NME8: variants seen among roughly 807,000 people sequenced by gnomAD.
NME8 encodes NME/NM23 family member 8.
In NME8, 72 loss-of-function variants were observed where a neutral mutation model predicts 82.3. The ratio of observed to expected loss-of-function variants is 0.87; its 90% confidence interval spans 0.72 to 1.06. The LOEUF is 1.06. Ranked by LOEUF, NME8 falls within the 50% of genes least tolerant of loss-of-function variation. The pLI, the probability that NME8 is intolerant of heterozygous loss-of-function variation, is 0.00. For missense variants in NME8, 712 were observed against 685.4 expected, an observed-to-expected ratio of 1.04 and a Z score of -0.43; for synonymous variants, 267 against 228.5, an observed-to-expected ratio of 1.17 and a Z score of -1.52.
At chr7:37,876,568 T>C (rs1055598453) in intron 11 of NME8, among the ~76,000 whole-genome samples, 3 of 152,098 alleles carry the variant, frequency 2.0e-5, no homozygotes, top group Non-Finnish European at 4.4e-5. Flanking sequence ...AAACACAAAA[T>C]TTTATTTTGA....
chr7:37,849,241 C>T (rs1343433171), intron 2 of NME8, 185 bp downstream of exon 2: 1 of 152,176 alleles, frequency 6.6e-6, no homozygotes, highest in African/African-American at 2.4e-5. Context: ...CACTAGTGGC[C>T]TTGTTCTCAA....
At chr7:37,852,849 A>G (rs1784455852) in intron 5 of NME8, among the ~76,000 whole-genome samples, 1 of 152,188 alleles carries the variant, frequency 6.6e-6, no homozygotes, top group Non-Finnish European at 1.5e-5. Flanking sequence ...ATTTGGGTAA[A>G]TACCAAGGAG....
chr7:37,854,556 A>T (rs1016911204), intron 5 of NME8, among the ~76,000 whole-genome samples: 1 of 152,184 alleles, frequency 6.6e-6, no homozygotes, highest in Non-Finnish European at 1.5e-5. Flanking sequence ...CTTTGGTTTC[A>T]GTGCCCATAT....
chr7:37,892,552 T>C (rs1017950271), intron 15 of NME8, among the ~76,000 whole-genome samples: 3 of 151,830 alleles, frequency 2.0e-5, no homozygotes, highest in African/African-American at 7.2e-5. Flanking sequence ...CGTGTAGACA[T>C]GCTTATCTTT....
chr7:37,897,153 G>A (rs536147620), intron 17 of NME8, 46 bp downstream of exon 17: 2 of 1,238,798 alleles, frequency 1.6e-6, no homozygotes, highest in South Asian at 2.5e-5. Flanking sequence ...GCTTGTTGCA[G>A]TGACTGAGGC....
In NME8 at chr7:37,864,417, G is replaced by A. The variant is rs780317892; in HGVS notation, c.524G>A (p.Arg175Lys). Reference sequence around the variant, plus strand: ...AGTAAAAAAGTTCTAGAAATTAAAAGAAAAGTAAGTAATATTTTCCAACTA... The same window carrying A: ...AGTAAAAAAGTTCTAGAAATTAAAAAAAAAGTAAGTAATATTTTCCAACTA... Reference protein sequence around the residue: ...VISKKVLEIKRKITKAGFIIE... With the variant: ...VISKKVLEIKKKITKAGFIIE... The change falls in exon 9 of 18, where the codon AGA becomes AAA. Residue 175 changes from arginine to lysine, a missense_variant. By Grantham distance (26) the Arg-to-Lys change is conservative. Coordinates refer to ENST00000199447, the MANE Select transcript of NME8 (RefSeq NM_016616.5). The A allele has an allele frequency of 1.3e-6, 2 of 1,573,538 alleles. No homozygotes were observed. Among genetic ancestry groups the A allele is most frequent in the African/African-American group, 2.7e-5 (2 of 74,114 alleles).
At chr7:37,894,887 T>A (rs1464367770) in intron 16 of NME8, among the ~76,000 whole-genome samples, 1 of 151,856 alleles carries the variant, frequency 6.6e-6, no homozygotes, top group Non-Finnish European at 1.5e-5. Flanking sequence ...TCCCTTTCCT[T>A]TCCTTTCTTT....
At chr7:37,867,582 A>C (rs1784705970) in intron 10 of NME8, 120 bp from the exon 11 acceptor site, 2 of 747,138 alleles carry the variant, frequency 2.7e-6, no homozygotes, top group Admixed American at 2.0e-5. Flanking sequence ...TATAAGAGTA[A>C]CATTCCTTTG....
chr7:37,850,433 C>T lies in NME8; in HGVS notation c.89C>T (p.Thr30Ile). 2 of 1,614,070 alleles carry T rather than the reference C, an allele frequency of 1.2e-6. No individual in the cohort carries two copies. The highest frequency in any genetic ancestry group is 1.3e-5 in the African/African-American group (1 of 75,042). Residue 30 changes from threonine to isoleucine, a missense_variant and splice_region_variant, in exon 4 of 18, where the codon ACA becomes ATA. Thr to Ile is a moderately conservative substitution (Grantham distance 89). Coordinates refer to ENST00000199447, the MANE Select transcript of NME8 (RefSeq NM_016616.5). ...WDEMLQNKGL[T>I]VIDVYQAWCG... ...GAGATGTTGCAGAACAAAGGCTTAA[C>T]AGGTATAAGGACTCCCCGGCTGTCT...
At chr7:37,879,757 T>C (rs13232318) in intron 12 of NME8, among the ~76,000 whole-genome samples, 1 of 152,186 alleles carries the variant, frequency 6.6e-6, no homozygotes, top group South Asian at 2.1e-4. Context: ...TATGTATAGT[T>C]TGTAAGAAAG....
intron 10 of NME8, among the ~76,000 whole-genome samples, chr7:37,866,490 C>G (rs1157404470): frequency 6.6e-6 from 1 of 152,164 alleles, no homozygotes; most frequent in Non-Finnish European, 1.5e-5. Flanking sequence ...GGCCCCACCT[C>G]AGACTTACTA....
chr7:37,876,754 CAT>C (rs1784859155), intron 11 of NME8, 76 bp from the exon 12 acceptor site: 1 of 1,034,688 alleles, frequency 9.7e-7, no homozygotes, highest in South Asian at 1.4e-5. Flanking sequence ...AATTTCTGAA[CAT>C]ATCAGATTTA....
chr7:37,882,819 A>G (rs1403196328), intron 12 of NME8, among the ~76,000 whole-genome samples: 1 of 152,210 alleles, frequency 6.6e-6, no homozygotes, highest in Admixed American at 6.5e-5. Context: ...ATGGCATCAG[A>G]TAGTGTCACT....
At position 37,865,606 on chromosome 7, in the gene NME8, A is replaced by G. The variant is rs146777129; in HGVS notation, c.610A>G (p.Ile204Val). ...ACAAGTTGTCAACTTCTATAGTCGA[A>G]TAGCAGACCAGGTATGAAAGTTAAA... The part of the protein sequence containing the change: ...EEQVVNFYSR[I>V]ADQCDFEEFV... The change falls in exon 10 of 18, where the codon ATA (isoleucine) becomes GTA (valine). Residue 204 changes from isoleucine to valine, a missense_variant. Physicochemically the swap from Ile to Val is conservative, Grantham distance 29. Coordinates refer to ENST00000199447, the MANE Select transcript of NME8 (RefSeq NM_016616.5). 2,613 of 1,608,044 alleles carry G rather than the reference A, an allele frequency of 1.6e-3. 3 individuals carry two copies. The highest frequency in any genetic ancestry group is 2.1e-3 in the Non-Finnish European group (2,485 of 1,174,654).
rs79055610 is a variant in NME8 at position 37,860,714 on chromosome 7, C to T, written c.271-1314C>T. Reference sequence around the variant, plus strand: ...TCAGCTGAATGCTATGCTTTCCACTCGCAGCATTTCCAGTTGGGGTCTAGG... The same window carrying T: ...TCAGCTGAATGCTATGCTTTCCACTTGCAGCATTTCCAGTTGGGGTCTAGG... On this transcript the variant is annotated intron_variant, in intron 6 of 17. Coordinates refer to ENST00000199447, the MANE Select transcript of NME8 (RefSeq NM_016616.5). Among the ~76,000 whole-genome samples the T allele has an allele frequency of 6.6e-5, 10 of 152,296 alleles. No homozygotes were observed. In the East Asian group the frequency reaches 1.5e-3, roughly 23 times the overall value.
At chr7:37,889,968 G>T (rs1405241577) in intron 15 of NME8, among the ~76,000 whole-genome samples, 1 of 151,866 alleles carries the variant, frequency 6.6e-6, no homozygotes, top group African/African-American at 2.4e-5. Context: ...TTATAATGTT[G>T]GTGGCCATGT....
chr7:37,891,349 G>A (rs925792535), intron 15 of NME8, among the ~76,000 whole-genome samples: 10 of 151,630 alleles, frequency 6.6e-5, no homozygotes, highest in Non-Finnish European at 1.0e-4. Context: ...AATCACTGCC[G>A]AGACCAATGC....
chr7:37,889,964 T>C (rs751777716), intron 15 of NME8, among the ~76,000 whole-genome samples: 1 of 151,992 alleles, frequency 6.6e-6, no homozygotes, highest in East Asian at 1.9e-4. Flanking sequence ...TGATTTATAA[T>C]GTTGGTGGCC....
intron 11 of NME8, among the ~76,000 whole-genome samples, chr7:37,869,077 A>T (rs960129184): frequency 2.6e-5 from 4 of 152,072 alleles, no homozygotes; most frequent in Admixed American, 2.6e-4. Flanking sequence ...TCTCCATTGC[A>T]TTTTCTGGCT....
Sources: allele counts gnomAD v4.1 joint callset (sites outside exome capture counted in the v4.1 genomes callset), GRCh38; gene constraint gnomAD v4.1.1; transcripts MANE v1.5; gene names NCBI Gene and HGNC (gene_info 2026-07-23, HGNC 2026-07-21).